The following KCNA6 variants were observed in gnomAD, a reference collection of about 807,000 sequenced individuals.
The protein encoded by KCNA6 is potassium voltage-gated channel subfamily A member 6.
KCNA6 carries 17 observed loss-of-function variants against 29.5 expected under a neutral mutation model. The ratio of observed to expected loss-of-function variants is 0.58; its 90% CI spans 0.39 to 0.86. The LOEUF is 0.86. KCNA6 is among the 40% of genes least tolerant of loss of function. The pLI, the probability that KCNA6 is intolerant of heterozygous loss-of-function variation, is 0.00. For synonymous variants in KCNA6, 296 were observed against 304.7 expected, an observed-to-expected ratio of 0.97 and a Z score of 0.30; for missense variants, 450 against 703.4, an observed-to-expected ratio of 0.64 and a Z score of 4.07.
exon 1 of KCNA6, chr12:4,812,837 AAC>A (rs1284354205): frequency 6.0e-6 from 1 of 167,096 alleles, no homozygotes; most frequent in African/African-American, 2.4e-5. Context: ...GAGTCAAGCA[AAC>A]ACTTGCCTGC....
chr12:4,815,382 A>G (rs1946672546), downstream of KCNA6, among the ~76,000 whole-genome samples: 1 of 152,220 alleles, frequency 6.6e-6, no homozygotes, highest in South Asian at 2.1e-4. Context: ...TGAGACTGCC[A>G]TGGGCTCAGA....
At position 4,811,497 on chromosome 12, in the gene KCNA6, G is replaced by A; in HGVS notation, c.1456G>A (p.Ala486Thr). ...TACCCACGTCACTTGTGGGCAGCCT[G>A]CGCCGGACCTGAGGGCAACTGACAA... The change falls in exon 1 of 1, where the codon GCG (alanine) becomes ACG (threonine). Residue 486 changes from alanine to threonine, a missense_variant. Transcript: ENST00000280684. This position sits in a 1 kb window ranked among gnomAD's most constrained non-coding sequence, Gnocchi z 7.1. 6.2e-7 allele frequency: 1 copy of A among 1,614,178 alleles called. No individual in the cohort carries two copies. The highest frequency in any genetic ancestry group is 8.5e-7 in the Non-Finnish European group (1 of 1,180,032).
At chr12:4,809,853 A>C in exon 1 of KCNA6, 1 of 624,442 alleles carries the variant, frequency 1.6e-6, no homozygotes, top group Non-Finnish European at 2.6e-6. Context: ...TCACCTCCCC[A>C]GACCCAGCCT....
the KCNA6 span, among the ~76,000 whole-genome samples, chr12:4,826,695 G>A: frequency 3.9e-5 from 6 of 152,194 alleles, no homozygotes; most frequent in Non-Finnish European, 7.3e-5. Context: ...AAAATTCTGC[G>A]GATACCCAAG....
chr12:4,833,552 A>G, the KCNA6 span, among the ~76,000 whole-genome samples: 1 of 152,228 alleles, frequency 6.6e-6, no homozygotes, highest in African/African-American at 2.4e-5. Context: ...TCACATTGCC[A>G]AGGGCAGGTG....
At chr12:4,824,238 G>A in the KCNA6 span, among the ~76,000 whole-genome samples, 3,359 of 152,314 alleles carry the variant, frequency 0.022, 60 homozygotes, top group African/African-American at 0.05. Flanking sequence ...TGCCCACTTT[G>A]ACAGAGTAGT....
At chr12:4,829,259 A>G in the KCNA6 span, among the ~76,000 whole-genome samples, 1 of 152,096 alleles carries the variant, frequency 6.6e-6, no homozygotes, top group African/African-American at 2.4e-5. Flanking sequence ...TTGGCTGTCT[A>G]CTGTAACCCC....
the KCNA6 span, among the ~76,000 whole-genome samples, chr12:4,843,205 G>T: frequency 1.3e-5 from 2 of 150,952 alleles, no homozygotes; most frequent in South Asian, 2.1e-4. Context: ...TTTTGAGACG[G>T]AGTCTCACTC....
rs770209419 is a variant in KCNA6, at chr12:4,810,115, C to T, written c.74C>T (p.Ala25Val). The change falls in exon 1 of 1, where the codon GCG becomes GTG. Residue 25 changes from alanine (A) to valine (V), a missense_variant. Physicochemically the swap from Ala to Val is moderately conservative, Grantham distance 64. Transcript: ENST00000280684. This position sits in a 1 kb window ranked among gnomAD's most constrained non-coding sequence, Gnocchi z 7.5. ...GGGCCGGAGGGAGAGCAACAGGATG[C>T]GGGAGACTTCCCGGAGGCCGGCGGG... 2 of 1,586,742 alleles carry T rather than the reference C, an allele frequency of 1.3e-6. No individual in the cohort carries two copies. The highest frequency in any genetic ancestry group is 1.7e-5 in the Admixed American group (1 of 59,104).
rs1946629542 is a variant in KCNA6, at chr12:4,811,394, C to T, written c.1353C>T (p.Ala451=). Residue 451 remains alanine (A), a synonymous_variant, in exon 1 of 1, where the codon GCC becomes GCT. Transcript: ENST00000280684. The surrounding 1 kb of genome is among the most constrained non-coding windows in gnomAD (Gnocchi z 7.1). The stretch of plus-strand genomic sequence containing the variant: ...CCATCGCTGGGGTCCTCACCATTGC[C>T]CTGCCTGTGCCCGTCATCGTCTCCA... The T allele has an allele frequency of 6.2e-7, 1 of 1,614,164 alleles. No individual in the cohort carries two copies. Among genetic ancestry groups the T allele is most frequent in the Non-Finnish European group, 8.5e-7 (1 of 1,180,012 alleles).
the KCNA6 span, among the ~76,000 whole-genome samples, chr12:4,838,758 G>C: frequency 6.6e-6 from 1 of 152,186 alleles, no homozygotes; most frequent in Non-Finnish European, 1.5e-5. Context: ...CTGGCTTGCA[G>C]ATGGCTTCCT....
the KCNA6 span, among the ~76,000 whole-genome samples, chr12:4,840,967 G>A: frequency 2.0e-5 from 3 of 152,356 alleles, no homozygotes; most frequent in East Asian, 5.8e-4. Context: ...CAACCTGATA[G>A]TCTTACTCCT....
the KCNA6 span, among the ~76,000 whole-genome samples, chr12:4,842,113 A>G: frequency 1.3e-5 from 2 of 151,306 alleles, no homozygotes; most frequent in Non-Finnish European, 1.5e-5. Flanking sequence ...TTAAGCCCAA[A>G]TGTAAAATTG....
At chr12:4,816,280 G>C (rs1591593051), downstream of KCNA6, among the ~76,000 whole-genome samples, 2 of 151,874 alleles carry the variant, frequency 1.3e-5, no homozygotes, top group South Asian at 4.2e-4. Flanking sequence ...GTGTGTGTGT[G>C]TGTGTGTGTG....
the KCNA6 span, among the ~76,000 whole-genome samples, chr12:4,826,306 T>A: frequency 6.6e-6 from 1 of 152,226 alleles, no homozygotes; most frequent in African/African-American, 2.4e-5. Flanking sequence ...TAGCAAGGCC[T>A]GAGGTTTGCT....
At chr12:4,830,694 T>G in the KCNA6 span, among the ~76,000 whole-genome samples, 1 of 152,244 alleles carries the variant, frequency 6.6e-6, no homozygotes, top group African/African-American at 2.4e-5. Flanking sequence ...AGGCTGTATC[T>G]TGGAGAGGCT....
Position 4,810,721 on chromosome 12 carries a change from A to G in KCNA6, c.680A>G (p.Asp227Gly). The change falls in exon 1 of 1, where the codon GAT becomes GGT. Residue 227 changes from aspartate (D) to glycine (G), a missense_variant. Around this residue, in one of 7 missense-constraint regions of KCNA6, gnomAD observed 74 missense variants for 71.5 expected, o/e 1.03. Coordinates refer to ENST00000280684, the Ensembl canonical transcript of KCNA6. The surrounding 1 kb of genome is among the most constrained non-coding windows in gnomAD (Gnocchi z 7.5). ...AGGGGGAGTCAGGAGGAAGAGGAGGATGAAGACGATTCCTACACATTTCAT... is the reference window on the plus strand; with the variant it reads ...AGGGGGAGTCAGGAGGAAGAGGAGGGTGAAGACGATTCCTACACATTTCAT... 3.1e-6 allele frequency: 5 copies of G among 1,613,312 alleles called. No homozygotes were observed. Among genetic ancestry groups the G allele is most frequent in the Non-Finnish European group, 4.2e-6 (5 of 1,179,580 alleles).
the KCNA6 span, among the ~76,000 whole-genome samples, chr12:4,822,113 G>A: frequency 6.6e-6 from 1 of 152,212 alleles, no homozygotes; most frequent in Non-Finnish European, 1.5e-5. Flanking sequence ...GGGATTACAG[G>A]TGTGAGCCAC....
chr12:4,831,462 G>A, the KCNA6 span, among the ~76,000 whole-genome samples: 12,247 of 152,202 alleles, frequency 0.08, 618 homozygotes, highest in East Asian at 0.22. Context: ...CCTAGAAACC[G>A]TTAGTCAGGA....
Sources: allele counts gnomAD v4.1 joint callset (sites outside exome capture counted in the v4.1 genomes callset), GRCh38; gene constraint gnomAD v4.1.1; regional missense constraint gnomAD v4.1.1; non-coding constraint Gnocchi (gnomAD v3.1); transcripts MANE v1.5; gene names NCBI Gene and HGNC (gene_info 2026-07-23, HGNC 2026-07-21).